Variants in PCDHA9 observed in about 807,000 individuals in gnomAD.
The protein encoded by PCDHA9 is protocadherin alpha 9.
A neutral mutation model predicts 62.0 loss-of-function variants in PCDHA9; 62 were observed. That is an observed-to-expected ratio of 1.00 (90% CI 0.81 to 1.23). PCDHA9 has a LOEUF of 1.23. Ranked by LOEUF, PCDHA9 falls within the 50% of genes most tolerant of loss-of-function variation. The pLI is 0.00. For missense variants in PCDHA9, 1,205 were observed against 1,249.8 expected (o/e 0.96, Z 0.54); for synonymous variants, 557 against 567.6 (o/e 0.98, Z 0.27).
intron 3 of PCDHA9, among the ~76,000 whole-genome samples, chr5:141,003,622 A>G (rs1554259173): frequency 6.6e-6 from 1 of 152,196 alleles, no homozygotes; most frequent in Non-Finnish European, 1.5e-5. Context: ...CCCAGAGGGC[A>G]GTTTTTAAAG....
rs1554217734 is a variant in PCDHA9 at position 140,946,611 on chromosome 5, A to AATATATATATATATATATATATATATAT, written c.2395-32317_2395-32316insTATATATATATATATATATATATATATA. Among the ~76,000 whole-genome samples, 579 of 86,182 alleles carry AATATATATATATATATATATATATATAT rather than the reference A, an allele frequency of 6.7e-3. 16 individuals are homozygous for AATATATATATATATATATATATATATAT. The highest frequency in any genetic ancestry group is 0.011 in the Middle Eastern group (2 of 184). 56.5% of individuals were successfully genotyped at this position (86,182 alleles called of 152,430 possible). A position where few individuals can be genotyped will look rare whatever the true frequency, so the allele number is the denominator to read the frequency against. On this transcript the variant is annotated intron_variant, in intron 1 of 3. Transcript: ENST00000532602. ...GGATGAATAGATAAAGAAAATGTGA[A>AATATATATATATATATATATATATATAT]ATATATATATATATATATATACAAT...
intron 1 of PCDHA9, chr5:140,867,818 C>G (rs1319756642): frequency 6.6e-6 from 1 of 152,040 alleles, no homozygotes; most frequent in African/African-American, 2.4e-5. Flanking sequence ...AATTCCATTT[C>G]CACAAGCACT....
intron 3 of PCDHA9, among the ~76,000 whole-genome samples, chr5:141,009,296 T>A (rs889577032): frequency 3.3e-4 from 50 of 152,004 alleles, no homozygotes; most frequent in Non-Finnish European, 5.3e-4. Context: ...TTCTATAAAA[T>A]TTTTTTTAAA....
chr5:140,887,707 C>A (rs1554183190), intron 1 of PCDHA9, among the ~76,000 whole-genome samples: 1 of 152,132 alleles, frequency 6.6e-6, no homozygotes, highest in African/African-American at 2.4e-5. Context: ...AACCATACTT[C>A]TTCTAATAGT....
At chr5:140,875,941 G>A in intron 1 of PCDHA9, 3 of 1,614,160 alleles carry the variant, frequency 1.9e-6, no homozygotes, top group East Asian at 4.5e-5. Context: ...TCTAGAGGGC[G>A]CTTCTGATGC....
At chr5:140,932,247 G>A (rs1463272112) in intron 1 of PCDHA9, among the ~76,000 whole-genome samples, 2 of 151,822 alleles carry the variant, frequency 1.3e-5, no homozygotes, top group Non-Finnish European at 3.0e-5. Context: ...ATCTAAGAGG[G>A]TACCTCTGAG....
intron 1 of PCDHA9, among the ~76,000 whole-genome samples, chr5:140,953,511 G>A (rs1243901831): frequency 1.3e-5 from 2 of 152,114 alleles, no homozygotes; most frequent in Non-Finnish European, 2.9e-5. Flanking sequence ...TTAGGCCAAA[G>A]CAACAAAAAC....
Position 140,993,262 on chromosome 5 carries a change from C to T in PCDHA9, c.2542+10699C>T, listed in dbSNP as rs75542242. ...CTGGGGATTTAGATATATAAATTAG[C>T]TTCTTTGGTCTTTTCTTGCCCAGGG... On this transcript the variant is annotated intron_variant, in intron 3 of 3. Transcript: ENST00000532602. Among the ~76,000 whole-genome samples the T allele has an allele frequency of 6.3e-3, 965 of 152,148 alleles. 15 individuals are homozygous for T. Among genetic ancestry groups the T allele is most frequent in the African/African-American group, 0.023 (934 of 41,492 alleles).
chr5:140,855,292 C>A lies in PCDHA9; in HGVS notation c.2394+4403C>A, dbSNP rs950015519. Reference sequence around the variant, plus strand: ...ACTCAACCACCGTATTACTATTAGGCCAAAGTTATAAAATTGGAACATGAG... The same window carrying A: ...ACTCAACCACCGTATTACTATTAGGACAAAGTTATAAAATTGGAACATGAG... On this transcript the variant is annotated intron_variant, in intron 1 of 3. Transcript: ENST00000532602. Among the ~76,000 whole-genome samples, 36 of 149,604 alleles carry A rather than the reference C, an allele frequency of 2.4e-4. 2 individuals carry two copies. Among genetic ancestry groups the A allele is most frequent in the African/African-American group, 8.6e-4 (35 of 40,780 alleles).
rs781959040 is a variant in PCDHA9 at position 140,968,057 on chromosome 5, C to A, written c.2395-10892C>A. 2.5e-6 allele frequency: 4 copies of A among 1,613,992 alleles called. 1 individual carries two copies. Among genetic ancestry groups the A allele is most frequent in the South Asian group, 2.2e-5 (2 of 91,082 alleles). ...GGTGAGCGGCCCACTGGACCGAGAGCGGGTGGCTGTCTACAACATCACGGT... is the reference window on the plus strand; with the variant it reads ...GGTGAGCGGCCCACTGGACCGAGAGAGGGTGGCTGTCTACAACATCACGGT... On this transcript the variant is annotated intron_variant, in intron 1 of 3. Transcript: ENST00000532602.
In PCDHA9 at chr5:140,927,750, G is replaced by T. The variant is rs155819; in HGVS notation, c.2395-51199G>T. The T allele has an allele frequency of 1.4e-3, 2,310 of 1,614,204 alleles. 26 individuals carry two copies. In the African/African-American group the frequency reaches 0.026, roughly 18 times the overall value. On this transcript the variant is annotated intron_variant, in intron 1 of 3. Coordinates refer to ENST00000532602, the MANE Select transcript of PCDHA9 (RefSeq NM_031857.2). ...CAGAGCTGCGACACCGCTTTCACGT[G>T]CACCCTAAAAGTGGGGAGGTGCAAG...
chr5:140,950,070 A>G (rs2094446713), intron 1 of PCDHA9, among the ~76,000 whole-genome samples: 1 of 151,890 alleles, frequency 6.6e-6, no homozygotes, highest in Non-Finnish European at 1.5e-5. Flanking sequence ...TTCCTGTGCC[A>G]TTGCTTATGC....
At chr5:140,857,150 A>C in intron 1 of PCDHA9, 1 of 1,598,240 alleles carries the variant, frequency 6.3e-7, no homozygotes, top group Non-Finnish European at 8.6e-7. Context: ...GGGCACCGTC[A>C]TTGCCCTAAT....
chr5:140,927,460 G>A, intron 1 of PCDHA9: 2 of 1,614,148 alleles, frequency 1.2e-6, no homozygotes, highest in South Asian at 1.1e-5. Context: ...GTTGGAGAAA[G>A]CACTGGATCG....
Position 140,877,166 on chromosome 5 carries a change from TGCTGGCGACTCCG to T in PCDHA9, c.2394+26284_2394+26296del, listed in dbSNP as rs2056906844. The T allele has an allele frequency of 1.9e-6, 3 of 1,613,836 alleles. No individual in the cohort carries two copies. In the East Asian group the frequency reaches 6.7e-5, roughly 36 times the overall value. On this transcript the variant is annotated intron_variant, in intron 1 of 3. Coordinates refer to ENST00000532602, the MANE Select transcript of PCDHA9 (RefSeq NM_031857.2). The stretch of plus-strand genomic sequence containing the variant: ...GACGAGAACGACAACGCGCCGGCAC[TGCTGGCGACTCCG>T]GCTGGCAGCGCAGGAGGCGCAGTTA...
intron 1 of PCDHA9, among the ~76,000 whole-genome samples, chr5:140,946,628 A>ATATATATATATATATATATATATATATC (rs2093986423): frequency 7.4e-6 from 1 of 134,528 alleles, no homozygotes; most frequent in Non-Finnish European, 1.6e-5. Context: ...ATATATATAT[A>ATATATATATATATATATATATATATATC]TATACAATGG....
intron 1 of PCDHA9, chr5:140,866,111 C>T (rs2049154536): frequency 6.6e-6 from 1 of 151,970 alleles, no homozygotes; most frequent in South Asian, 2.1e-4. Flanking sequence ...TTAAGAGTTG[C>T]CTTATAAGAA....
intron 1 of PCDHA9, chr5:140,877,539 C>G (rs1562735979): frequency 2.5e-6 from 4 of 1,613,788 alleles, no homozygotes; most frequent in South Asian, 1.1e-5. Flanking sequence ...CTGTGGATCC[C>G]GAAGCGGCTC....
chr5:141,011,852 A>T lies in PCDHA9; in HGVS notation c.*1915A>T, dbSNP rs1288551420. 1 of 153,718 alleles carries T rather than the reference A, an allele frequency of 6.5e-6. No individual in the cohort carries two copies. The highest frequency in any genetic ancestry group is 1.5e-5 in the Non-Finnish European group (1 of 68,038). 9.5% of individuals were successfully genotyped at this position (153,718 alleles called of 1,614,324 possible). A position where few individuals can be genotyped will look rare whatever the true frequency, so the allele number is the denominator to read the frequency against. ...CTGTCACCTTAAATAAGACATTTTA[A>T]TTTTGTTATAATGTACAATTTAGAA... On this transcript the variant is annotated 3_prime_UTR_variant, in exon 4 of 4. Transcript: ENST00000532602.
Sources: gnomAD v4.1 joint callset for allele counts (sites outside exome capture counted in the v4.1 genomes callset) on GRCh38, gnomAD v4.1.1 for gene constraint, MANE v1.5 for transcripts, NCBI Gene and HGNC (gene_info 2026-07-23, HGNC 2026-07-21) for gene names.